BMP7: variants seen among roughly 807,000 people sequenced by gnomAD.
BMP7 encodes osteogenic protein 1.
A neutral mutation model predicts 41.2 loss-of-function variants in BMP7; 12 were observed. The ratio of observed to expected loss-of-function variants is 0.29; its 90% CI spans 0.19 to 0.47. The LOEUF (loss-of-function observed/expected upper bound fraction) is 0.47. Among genes scored for constraint, BMP7 ranks in the 20% least tolerant of loss-of-function variants. The pLI is 0.99. For synonymous variants in BMP7, 248 were observed against 250.0 expected (o/e 0.99, Z 0.07); for missense variants, 467 against 606.0 (o/e 0.77, Z 2.41).
At chr20:57,227,341 G>A (rs190352598) in intron 2 of BMP7, among the ~76,000 whole-genome samples, 103 of 152,228 alleles carry the variant, frequency 6.8e-4, no homozygotes, top group Admixed American at 2.7e-3. Context: ...CTCTGGAAAC[G>A]CTCAAGAACA....
At chr20:57,231,639 G>A (rs979983354) in intron 1 of BMP7, among the ~76,000 whole-genome samples, 4 of 152,230 alleles carry the variant, frequency 2.6e-5, no homozygotes, top group African/African-American at 9.6e-5. Flanking sequence ...AGCACAGCCA[G>A]ACCTCCAAAG....
At chr20:57,221,804 T>C (rs1392474245) in intron 2 of BMP7, among the ~76,000 whole-genome samples, 1 of 87,134 alleles carries the variant, frequency 1.1e-5, no homozygotes. Flanking sequence ...AGCAAGACCC[T>C]ATCTCTCAAA....
At chr20:57,232,009 T>C (rs1201286020) in intron 1 of BMP7, among the ~76,000 whole-genome samples, 1 of 152,214 alleles carries the variant, frequency 6.6e-6, no homozygotes, top group Non-Finnish European at 1.5e-5. Flanking sequence ...GATCCCCATT[T>C]TACAGATGAG....
chr20:57,237,331 C>T (rs1302012194), intron 1 of BMP7, among the ~76,000 whole-genome samples: 5 of 152,140 alleles, frequency 3.3e-5, no homozygotes, highest in East Asian at 1.9e-4. Flanking sequence ...GGAACGTCCC[C>T]GGTACCCATT....
In BMP7 at chr20:57,174,860, ACAGACCCGCTG is replaced by A; in HGVS notation, c.1035+60_1035+70del. 1 of 1,492,498 alleles carries A rather than the reference ACAGACCCGCTG, an allele frequency of 6.7e-7. No individual in the cohort carries two copies. The highest frequency in any genetic ancestry group is 9.1e-7 in the Non-Finnish European group (1 of 1,095,282). The allele number at this position is 1,492,498 out of a possible 1,614,324, so 92.5% of individuals were successfully genotyped here. A position where few individuals can be genotyped will look rare whatever the true frequency, so the allele number is the denominator to read the frequency against. On this transcript the variant is annotated intron_variant, in intron 5 of 6. Transcript: ENST00000395863. This position sits in a 1 kb window ranked among gnomAD's most constrained non-coding sequence, Gnocchi z 4.3. ...GCAGAGATGAGAAACAAGACTGAGC[ACAGACCCGCTG>A]CCTCGTGGGAGCCCACGCCAGAGGG...
chr20:57,205,258 C>T (rs1049678082), intron 2 of BMP7, among the ~76,000 whole-genome samples: 4 of 152,168 alleles, frequency 2.6e-5, no homozygotes, highest in African/African-American at 9.7e-5. Context: ...TTTGAAGACC[C>T]TAAGTTTACC....
chr20:57,235,836 T>C (rs2066045533), intron 1 of BMP7, among the ~76,000 whole-genome samples: 1 of 152,212 alleles, frequency 6.6e-6, no homozygotes, highest in Non-Finnish European at 1.5e-5. Flanking sequence ...CTTGGTCCCT[T>C]GTTAGACACA....
chr20:57,258,761 A>G (rs1341066079), intron 1 of BMP7, among the ~76,000 whole-genome samples: 1 of 152,194 alleles, frequency 6.6e-6, no homozygotes, highest in Non-Finnish European at 1.5e-5. Flanking sequence ...GCGCACACAT[A>G]TTCACACTCT....
chr20:57,181,669 ACTGGGGG>A (rs1027393588), intron 4 of BMP7, among the ~76,000 whole-genome samples: 2 of 152,208 alleles, frequency 1.3e-5, no homozygotes, highest in Non-Finnish European at 2.9e-5. Flanking sequence ...GGTAAATGCA[ACTGGGGG>A]CTCTAGGGGA....
chr20:57,252,971 A>C (rs1414494558), intron 1 of BMP7, among the ~76,000 whole-genome samples: 1 of 152,184 alleles, frequency 6.6e-6, no homozygotes. Context: ...GACAGCTCCC[A>C]GCAGAGAACG....
At chr20:57,194,251 G>C (rs1984441918) in intron 3 of BMP7, among the ~76,000 whole-genome samples, 1 of 152,140 alleles carries the variant, frequency 6.6e-6, no homozygotes, top group African/African-American at 2.4e-5. Flanking sequence ...CAAGATGATG[G>C]GGCCGGAAGG....
At position 57,266,151 on chromosome 20, in the gene BMP7, C is replaced by T; in HGVS notation, c.-29G>A. On this transcript the variant is annotated 5_prime_UTR_variant, in exon 1 of 7. Coordinates refer to ENST00000395863, the MANE Select transcript of BMP7 (RefSeq NM_001719.3). Reference sequence around the variant, plus strand: ...GCCGGCTCTACGCGCTACCCGGGCTCCGGGCTCCGGGCCCGCACCGCCCCA... The same window carrying T: ...GCCGGCTCTACGCGCTACCCGGGCTTCGGGCTCCGGGCCCGCACCGCCCCA... The T allele has an allele frequency of 6.7e-7, 1 of 1,503,044 alleles. No homozygotes were observed. 93.1% of individuals were successfully genotyped at this position (1,503,044 alleles called of 1,614,324 possible).
At chr20:57,203,477 G>GTGGA (rs533405529) in intron 2 of BMP7, among the ~76,000 whole-genome samples, 2,239 of 151,706 alleles carry the variant, frequency 0.015, 58 homozygotes, top group African/African-American at 0.051. Flanking sequence ...GAGTGGGTGG[G>GTGGA]TGGATGGATG....
At chr20:57,239,444 A>G (rs1161522302) in intron 1 of BMP7, among the ~76,000 whole-genome samples, 1 of 152,102 alleles carries the variant, frequency 6.6e-6, no homozygotes, top group Non-Finnish European at 1.5e-5. Context: ...AGCTGCTTTC[A>G]TGGGCTGGCA....
chr20:57,260,786 C>T (rs569111371), intron 1 of BMP7, among the ~76,000 whole-genome samples: 2 of 152,328 alleles, frequency 1.3e-5, no homozygotes, highest in African/African-American at 4.8e-5. Flanking sequence ...GGTGACAGTG[C>T]CAGAGTGCAT....
At chr20:57,202,883 T>A (rs1028669500) in intron 2 of BMP7, among the ~76,000 whole-genome samples, 1 of 152,050 alleles carries the variant, frequency 6.6e-6, no homozygotes, top group Non-Finnish European at 1.5e-5. Flanking sequence ...CCCCATAAAT[T>A]GTTAAGGGCA....
chr20:57,175,071 A>T (rs1983893033), intron 4 of BMP7, 64 bp from the exon 5 acceptor site: 1 of 1,494,580 alleles, frequency 6.7e-7, no homozygotes, highest in African/African-American at 1.4e-5. Flanking sequence ...CACACATCAA[A>T]GTTCCCTCCA....
At position 57,210,343 on chromosome 20, in the gene BMP7, G is replaced by A. The variant is rs562078390; in HGVS notation, c.612-7720C>T. On this transcript the variant is annotated intron_variant, in intron 2 of 6. Coordinates refer to ENST00000395863, the MANE Select transcript of BMP7 (RefSeq NM_001719.3). The stretch of plus-strand genomic sequence containing the variant: ...CGAGGAACCGCACATCCCCAGGCTC[G>A]TTTCCAGTGTCTCCCAGCCCACCTT... 6.6e-5 allele frequency among the ~76,000 whole-genome samples: 10 copies of A among 152,328 alleles called. No individual in the cohort carries two copies. In the South Asian group the frequency reaches 1.7e-3, roughly 25 times the overall value.
At chr20:57,198,574 A>G (rs1161667489) in intron 3 of BMP7, among the ~76,000 whole-genome samples, 3 of 152,152 alleles carry the variant, frequency 2.0e-5, no homozygotes, top group African/African-American at 4.8e-5. Flanking sequence ...GCAGAGCCCC[A>G]GCTGCGGCTG....
Sources: allele counts gnomAD v4.1 joint callset (sites outside exome capture counted in the v4.1 genomes callset), GRCh38; gene constraint gnomAD v4.1.1; non-coding constraint Gnocchi (gnomAD v3.1); transcripts MANE v1.5; gene names NCBI Gene and HGNC (gene_info 2026-07-23, HGNC 2026-07-21).